FGD6: variants seen among roughly 807,000 people sequenced by gnomAD.
FGD6 encodes FYVE, RhoGEF and PH domain-containing protein 6.
In FGD6, 90 loss-of-function variants were observed where a neutral mutation model predicts 149.4. That is an observed-to-expected ratio of 0.60 (90% CI 0.51 to 0.72). FGD6 has a LOEUF of 0.72. Among genes scored for constraint, FGD6 ranks in the 30% least tolerant of loss-of-function variants. The pLI is 0.00. For synonymous variants in FGD6, 527 were observed against 584.0 expected (o/e 0.90, Z 1.41); for missense variants, 1,437 against 1,684.8 (o/e 0.85, Z 2.57).
chr12:95,177,743 GTTA>G (rs944220085), intron 2 of FGD6, among the ~76,000 whole-genome samples: 1 of 151,982 alleles, frequency 6.6e-6, no homozygotes, highest in Non-Finnish European at 1.5e-5. Context: ...TTATTTAGTA[GTTA>G]TTATAGCACA....
rs117209224 is a variant in FGD6 at position 95,209,029 on chromosome 12, C to T, written c.2255G>A (p.Arg752His). The change falls in exon 2 of 21, where the codon CGC (arginine) becomes CAC (histidine). Residue 752 changes from arginine to histidine, a missense_variant. Arg to His is a conservative substitution (Grantham distance 29, BLOSUM62 0). Transcript: ENST00000343958. Reference sequence around the variant, plus strand: ...GTACTCTGGTATTTCCTCATAATGGCGTATATTTTCATACTCCGGTGCACA... The same window carrying T: ...GTACTCTGGTATTTCCTCATAATGGTGTATATTTTCATACTCCGGTGCACA... ...SLCAPEYENI[R>H]HYEEIPEYEN... is the part of the protein sequence containing the mutation. The T allele has an allele frequency of 6.2e-6, 10 of 1,614,086 alleles. No homozygotes were observed. The highest frequency in any genetic ancestry group is 2.7e-5 in the African/African-American group (2 of 75,008).
At chr12:95,109,393 A>G (rs531289328) in intron 9 of FGD6, among the ~76,000 whole-genome samples, 20 of 152,274 alleles carry the variant, frequency 1.3e-4, no homozygotes, top group African/African-American at 4.6e-4. Context: ...TTTGGTGGGT[A>G]GGAGGCAGGG....
chr12:95,128,609 G>T (rs897253372), intron 8 of FGD6, among the ~76,000 whole-genome samples: 1 of 152,132 alleles, frequency 6.6e-6, no homozygotes, highest in African/African-American at 2.4e-5. Flanking sequence ...ACAACTAAAA[G>T]ATTTAGTCAC....
intron 8 of FGD6, among the ~76,000 whole-genome samples, chr12:95,134,266 T>C (rs1879604354): frequency 6.6e-6 from 1 of 152,070 alleles, no homozygotes; most frequent in African/African-American, 2.4e-5. Context: ...CCAGCTACGG[T>C]ACTATTCTAA....
At position 95,118,323 on chromosome 12, in the gene FGD6, T is replaced by C. The variant is rs544725732; in HGVS notation, c.3083-4622A>G. ...GAGATTGTACCTCTACACTCTAGTC[T>C]GGATGACAGAGCGAGACTCTGTCTC... On this transcript the variant is annotated intron_variant, in intron 8 of 20. Coordinates refer to ENST00000343958, the MANE Select transcript of FGD6 (RefSeq NM_018351.4). Among the ~76,000 whole-genome samples, 215 of 145,402 alleles carry C rather than the reference T, an allele frequency of 1.5e-3. 1 individual carries two copies. The highest frequency in any genetic ancestry group is 5.1e-3 in the African/African-American group (200 of 38,936).
intron 6 of FGD6, among the ~76,000 whole-genome samples, chr12:95,140,768 T>C (rs146617803): frequency 6.6e-6 from 1 of 152,300 alleles, no homozygotes; most frequent in Non-Finnish European, 1.5e-5. Flanking sequence ...ATATAGCATA[T>C]AGCATCTATC....
At chr12:95,142,337 G>A (rs1453413226) in intron 5 of FGD6, among the ~76,000 whole-genome samples, 1 of 151,930 alleles carries the variant, frequency 6.6e-6, no homozygotes, top group Admixed American at 6.6e-5. Flanking sequence ...TAGAGACGGC[G>A]TTTCACCATG....
chr12:95,129,343 C>G (rs1879449201), intron 8 of FGD6, among the ~76,000 whole-genome samples: 1 of 152,062 alleles, frequency 6.6e-6, no homozygotes, highest in Non-Finnish European at 1.5e-5. Context: ...ATCCATCCAT[C>G]CATCCATCCA....
chr12:95,174,243 G>A (rs574820880), intron 2 of FGD6, among the ~76,000 whole-genome samples: 2 of 152,180 alleles, frequency 1.3e-5, no homozygotes, highest in Non-Finnish European at 2.9e-5. Flanking sequence ...CCGCCGGATA[G>A]TTAATTGTTG....
At chr12:95,138,585 T>C (rs937072381) in intron 6 of FGD6, among the ~76,000 whole-genome samples, 16 of 151,736 alleles carry the variant, frequency 1.1e-4, no homozygotes, top group African/African-American at 3.9e-4. Context: ...TTACCTGGCA[T>C]ACAAAGGCCT....
intron 2 of FGD6, among the ~76,000 whole-genome samples, chr12:95,203,492 T>G (rs1457976979): frequency 6.6e-6 from 1 of 152,204 alleles, no homozygotes; most frequent in East Asian, 1.9e-4. Flanking sequence ...AAAAAAGACT[T>G]GGTTCAAGTG....
intron 8 of FGD6, among the ~76,000 whole-genome samples, chr12:95,122,155 C>T (rs1241363382): frequency 6.6e-6 from 1 of 152,094 alleles, no homozygotes; most frequent in Non-Finnish European, 1.5e-5. Flanking sequence ...TACACAAAAT[C>T]ATTTTGACAA....
chr12:95,104,285 A>T (rs1878536660), intron 14 of FGD6, among the ~76,000 whole-genome samples: 1 of 152,144 alleles, frequency 6.6e-6, no homozygotes, highest in South Asian at 2.1e-4. Context: ...TGTTATACTC[A>T]CAAAAATCTA....
chr12:95,210,163 T>C lies in FGD6; in HGVS notation c.1121A>G (p.Gln374Arg), dbSNP rs1592879663. ...LHQNVLCKQEQVDKMKLGNKS... is the reference protein window; with the variant it reads ...LHQNVLCKQERVDKMKLGNKS... ...ATTTCCTAGCTTCATTTTATCCACC[T>C]GTTCCTGCTTACACAAAACATTCTG... The change falls in exon 2 of 21, where the codon CAG (glutamine) becomes CGG (arginine). Residue 374 changes from glutamine (Q) to arginine (R), a missense_variant. Coordinates refer to ENST00000343958, the MANE Select transcript of FGD6 (RefSeq NM_018351.4). The C allele has an allele frequency of 6.2e-7, 1 of 1,613,900 alleles. No homozygotes were observed. Among genetic ancestry groups the C allele is most frequent in the African/African-American group, 1.3e-5 (1 of 74,944 alleles).
chr12:95,115,618 T>C (rs1296289068), intron 8 of FGD6, among the ~76,000 whole-genome samples: 1 of 152,114 alleles, frequency 6.6e-6, no homozygotes, highest in African/African-American at 2.4e-5. Context: ...CTAATGCCAG[T>C]GGGAACTGAG....
At position 95,148,560 on chromosome 12, in the gene FGD6, T is replaced by C. The variant is rs535460264; in HGVS notation, c.2685+4251A>G. 2.3e-3 allele frequency among the ~76,000 whole-genome samples: 199 copies of C among 87,752 alleles called. 1 individual carries two copies. Among genetic ancestry groups the C allele is most frequent in the African/African-American group, 7.8e-3 (193 of 24,716 alleles). 57.6% of individuals were successfully genotyped at this position (87,752 alleles called of 152,430 possible). On this transcript the variant is annotated intron_variant, in intron 5 of 20. Transcript: ENST00000343958. ...ATATAGCATATATTATATTATATAT[T>C]ATATATTATATAATACATAGCATAT...
At chr12:95,205,598 G>A (rs576718175) in intron 2 of FGD6, among the ~76,000 whole-genome samples, 1 of 152,346 alleles carries the variant, frequency 6.6e-6, no homozygotes, top group South Asian at 2.1e-4. Context: ...GCACAGGTCT[G>A]TATTTTCAAC....
chr12:95,136,286 A>G (rs1879664572), intron 7 of FGD6, among the ~76,000 whole-genome samples: 1 of 151,256 alleles, frequency 6.6e-6, no homozygotes, highest in Non-Finnish European at 1.5e-5. Context: ...TGAACCTCGG[A>G]GGCAGAGGTT....
intron 3 of FGD6, among the ~76,000 whole-genome samples, chr12:95,170,982 A>G (rs188672867): frequency 6.6e-6 from 1 of 152,342 alleles, no homozygotes; most frequent in Non-Finnish European, 1.5e-5. Context: ...AATACTTCAC[A>G]GCATAGAAAT....
Sources: allele counts gnomAD v4.1 joint callset (sites outside exome capture counted in the v4.1 genomes callset), GRCh38; gene constraint gnomAD v4.1.1; transcripts MANE v1.5; gene names NCBI Gene and HGNC (gene_info 2026-07-23, HGNC 2026-07-21).